PATJ: variants seen among roughly 807,000 people sequenced by gnomAD.
PATJ encodes inaD-like protein.
A neutral mutation model predicts 224.9 loss-of-function variants in PATJ; 190 were observed. The observed-to-expected ratio is 0.84, with a 90% CI of 0.75 to 0.95. The LOEUF is 0.95. Among genes scored for constraint, PATJ ranks in the 40% least tolerant of loss-of-function variants. PATJ has a pLI of 0.00. For synonymous variants in PATJ, 769 were observed against 820.3 expected (o/e 0.94, Z 1.07); for missense variants, 2,121 against 2,270.3 (o/e 0.93, Z 1.34).
rs1664445398 is a variant in PATJ at position 62,116,413 on chromosome 1, G to T, written c.4656-119G>T. The T allele has an allele frequency of 2.4e-5, 30 of 1,263,152 alleles. No individual in the cohort carries two copies. In the South Asian group the frequency reaches 4.6e-4, roughly 19 times the overall value. The allele number at this position is 1,263,152 out of a possible 1,614,324, so 78.2% of individuals were successfully genotyped here. ...TACCAAGGTATGAAAGAAACAAAAA[G>T]AAAACAAAACTGGAAGAAGAAAGGA... On this transcript the variant is annotated intron_variant, in intron 35 of 43. Coordinates refer to ENST00000642238, the MANE Select transcript of PATJ (RefSeq NM_001350145.3).
chr1:61,846,660 T>C (rs1472695868), intron 17 of PATJ, among the ~76,000 whole-genome samples: 1 of 152,174 alleles, frequency 6.6e-6, no homozygotes, highest in Non-Finnish European at 1.5e-5. Context: ...ACAGTGGTGC[T>C]ATCTCGGCTC....
intron 31 of PATJ, among the ~76,000 whole-genome samples, chr1:62,067,804 CTGTT>C (rs1382933497): frequency 1.3e-5 from 2 of 152,104 alleles, no homozygotes; most frequent in African/African-American, 2.4e-5. Context: ...ACCACCATCT[CTGTT>C]TGTTTGTTTT....
At position 61,881,568 on chromosome 1, in the gene PATJ, C is replaced by T. The variant is rs141201954; in HGVS notation, c.2960-2669C>T. On this transcript the variant is annotated intron_variant, in intron 21 of 43. Transcript: ENST00000642238. ...CTGGGATTACAGGTGTGTGCCACCA[C>T]GCCTGGCTAATTTTTGTATTTTTAG... is the stretch of plus-strand genomic sequence containing the variant. Among the ~76,000 whole-genome samples the T allele has an allele frequency of 1.6e-3, 250 of 151,954 alleles. 1 individual carries two copies. The highest frequency in any genetic ancestry group is 4.7e-3 in the Admixed American group (72 of 15,256).
intron 27 of PATJ, among the ~76,000 whole-genome samples, chr1:61,961,043 C>T (rs544140453): frequency 6.6e-6 from 1 of 152,174 alleles, no homozygotes; most frequent in African/African-American, 2.4e-5. Context: ...AAAAGTTAAG[C>T]CTAAAGTTTT....
intron 13 of PATJ, among the ~76,000 whole-genome samples, chr1:61,807,909 T>A (rs1570618324): frequency 6.6e-6 from 1 of 152,292 alleles, no homozygotes; most frequent in East Asian, 1.9e-4. Context: ...AGAACAATAG[T>A]TTTAGGCCAG....
chr1:62,151,880 C>A (rs541049742), intron 42 of PATJ, among the ~76,000 whole-genome samples: 30 of 152,326 alleles, frequency 2.0e-4, no homozygotes, highest in African/African-American at 6.7e-4. Flanking sequence ...ATTGGCATCA[C>A]CTAAACTTAG....
At chr1:61,962,286 A>G (rs1681428466) in intron 27 of PATJ, among the ~76,000 whole-genome samples, 1 of 152,178 alleles carries the variant, frequency 6.6e-6, no homozygotes, top group Non-Finnish European at 1.5e-5. Context: ...CAGATGATAC[A>G]CTCAGTAAAT....
chr1:61,771,769 G>A, intron 6 of PATJ, 143 bp downstream of exon 6: 1 of 605,430 alleles, frequency 1.7e-6, no homozygotes, highest in Non-Finnish European at 2.7e-6. Context: ...GCCCAGGCTG[G>A]AGTGCAGTGG....
intron 5 of PATJ, among the ~76,000 whole-genome samples, chr1:61,770,735 C>G (rs897217151): frequency 6.6e-6 from 1 of 151,742 alleles, no homozygotes; most frequent in African/African-American, 2.4e-5. Context: ...CATAGCAAAA[C>G]CCCATCTCTA....
chr1:62,125,254 C>CAAAAAAAAAAAAAAAAAAAAAA (rs779305398), intron 39 of PATJ, among the ~76,000 whole-genome samples: 1 of 71,426 alleles, frequency 1.4e-5, no homozygotes, highest in Non-Finnish European at 2.6e-5. Flanking sequence ...AAAAAAAAAA[C>CAAAAAAAAAAAAAAAAAAAAAA]AAAAAAAAAC....
At chr1:62,080,539 C>T (rs1246862963) in intron 32 of PATJ, among the ~76,000 whole-genome samples, 1 of 151,878 alleles carries the variant, frequency 6.6e-6, no homozygotes, top group Admixed American at 6.6e-5. Flanking sequence ...ACCATGTTGG[C>T]CAGGCTGGTC....
At chr1:62,111,659 T>G (rs1281659490) in intron 34 of PATJ, among the ~76,000 whole-genome samples, 1 of 130,672 alleles carries the variant, frequency 7.7e-6, no homozygotes, top group Non-Finnish European at 1.7e-5. Flanking sequence ...CCAAAACCCA[T>G]GTTCTTTTTT....
At chr1:62,157,279 A>G (rs79686132) in intron 43 of PATJ, among the ~76,000 whole-genome samples, 6,815 of 143,386 alleles carry the variant, frequency 0.048, 362 homozygotes, top group Middle Eastern at 0.11. Context: ...AGCGGAGATT[A>G]CACCATTGCA....
intron 27 of PATJ, among the ~76,000 whole-genome samples, chr1:61,982,976 G>A (rs916180797): frequency 1.3e-5 from 2 of 151,734 alleles, no homozygotes; most frequent in Non-Finnish European, 2.9e-5. Context: ...TTAGTCTATA[G>A]TTTCTACCCA....
chr1:61,813,533 G>A (rs1655406181), intron 14 of PATJ, among the ~76,000 whole-genome samples: 1 of 151,778 alleles, frequency 6.6e-6, no homozygotes, highest in South Asian at 2.1e-4. Context: ...CATCAAATAT[G>A]TATTATATGT....
At chr1:61,946,887 T>A (rs891500023) in intron 27 of PATJ, among the ~76,000 whole-genome samples, 2 of 152,176 alleles carry the variant, frequency 1.3e-5, no homozygotes, top group South Asian at 4.1e-4. Context: ...GTTGGCCTCA[T>A]CCTTGGGATG....
At chr1:61,974,967 C>T (rs574024872) in intron 27 of PATJ, among the ~76,000 whole-genome samples, 8 of 151,918 alleles carry the variant, frequency 5.3e-5, no homozygotes, top group South Asian at 2.1e-4. Context: ...TTGTTTTTGA[C>T]AGAGTTTCAT....
In PATJ at chr1:61,774,940, G is replaced by A. The variant is rs78339520; in HGVS notation, c.721-266G>A. Among the ~76,000 whole-genome samples, 2,027 of 152,194 alleles carry A rather than the reference G, an allele frequency of 0.013. 51 individuals are homozygous for A. The highest frequency in any genetic ancestry group is 0.047 in the African/African-American group (1,936 of 41,502). On this transcript the variant is annotated intron_variant, in intron 6 of 43. Transcript: ENST00000642238. Reference sequence around the variant, plus strand: ...ATGAGAAATGTTTCCTGTGCTCTTAGGGCTAGTGCCTTATGATCCAATATT... The same window carrying A: ...ATGAGAAATGTTTCCTGTGCTCTTAAGGCTAGTGCCTTATGATCCAATATT...
At position 61,766,166 on chromosome 1, in the gene PATJ, T is replaced by C. The variant is rs186101731; in HGVS notation, c.190-113T>C. 459 of 697,860 alleles carry C rather than the reference T, an allele frequency of 6.6e-4. 1 individual carries two copies. The African/African-American group carries it at 7.8e-3, about 12-fold the overall frequency. 43.2% of individuals were successfully genotyped at this position (697,860 alleles called of 1,614,324 possible). A position where few individuals can be genotyped will look rare whatever the true frequency, so the allele number is the denominator to read the frequency against. ...TGATCTATCTTTACCTTATTTCTTT[T>C]CCATGTATATATTTAATGTGCAAAG... On this transcript the variant is annotated intron_variant, in intron 3 of 43. Transcript: ENST00000642238.
Sources: allele counts gnomAD v4.1 joint callset (sites outside exome capture counted in the v4.1 genomes callset), GRCh38; gene constraint gnomAD v4.1.1; transcripts MANE v1.5; gene names NCBI Gene and HGNC (gene_info 2026-07-23, HGNC 2026-07-21).